Variants in FMNL2 observed in about 807,000 individuals in gnomAD.
FMNL2 encodes formin like 2, also known as formin-like protein 2.
Under a neutral mutation model 130.2 loss-of-function variants are expected in FMNL2, and 51 were observed. The ratio of observed to expected loss-of-function variants is 0.39; its 90% CI spans 0.31 to 0.49. The LOEUF is 0.49. Ranked by LOEUF, FMNL2 falls within the 20% of genes least tolerant of loss-of-function variation. The pLI is 0.85. For synonymous variants in FMNL2, 465 were observed against 467.1 expected (o/e 1.00, Z 0.06); for missense variants, 977 against 1,316.2 (o/e 0.74, Z 3.99).
At chr2:152,643,502 C>G in intron 25 of FMNL2, 2 of 1,536,080 alleles carry the variant, frequency 1.3e-6, no homozygotes, top group Non-Finnish European at 1.7e-6. Flanking sequence ...TGAGGAATAC[C>G]ATTACTAAAC....
At chr2:152,406,225 G>A (rs1176844515) in intron 1 of FMNL2, among the ~76,000 whole-genome samples, 2 of 152,122 alleles carry the variant, frequency 1.3e-5, no homozygotes, top group African/African-American at 4.8e-5. Context: ...TATAGAATAT[G>A]GGTTCCATGT....
chr2:152,619,173 C>G lies in FMNL2; in HGVS notation c.1627+15C>G, dbSNP rs754603688. ...ACCTGAAACAGGTAAGAAGCCTTGG[C>G]AGGAGGACTGAGGAAGTTTTGGAAT... On this transcript the variant is annotated intron_variant, in intron 14 of 25. Transcript: ENST00000288670. 7 of 1,535,492 alleles carry G rather than the reference C, an allele frequency of 4.6e-6. No homozygotes were observed. The East Asian group carries it at 1.6e-4, about 35-fold the overall frequency.
chr2:152,626,723 C>T lies in FMNL2; in HGVS notation c.2161C>T (p.His721Tyr), dbSNP rs1465398996. 1 of 1,606,486 alleles carries T rather than the reference C, an allele frequency of 6.2e-7. No homozygotes were observed. The change falls in exon 17 of 26, where the codon CAT becomes TAT. Residue 721 changes from histidine (H) to tyrosine (Y), a missense_variant. By Grantham distance (83) the His-to-Tyr change is moderately conservative. This residue lies in a region of FMNL2 where 689 missense variants were observed against 995.9 expected (regional missense o/e 0.69). Coordinates refer to ENST00000288670, the MANE Select transcript of FMNL2 (RefSeq NM_052905.4). Reference sequence around the variant, plus strand: ...TGCTGATGAAATATGTAAAGCTATTCATGTGTAAGTTCAGGAAAATTATAT... The same window carrying T: ...TGCTGATGAAATATGTAAAGCTATTTATGTGTAAGTTCAGGAAAATTATAT... ...KTADEICKAI[H>Y]VFDLKTLPVD... is the part of the protein sequence containing the mutation.
At chr2:152,352,200 A>C in intron 1 of FMNL2, among the ~76,000 whole-genome samples, 1 of 152,152 alleles carries the variant, frequency 6.6e-6, no homozygotes, top group East Asian at 1.9e-4. Context: ...ATTTTAAGGT[A>C]GCCCTAATGT....
chr2:152,382,576 T>G (rs1481841391), intron 1 of FMNL2, among the ~76,000 whole-genome samples: 1 of 152,158 alleles, frequency 6.6e-6, no homozygotes, highest in African/African-American at 2.4e-5. Flanking sequence ...TTTAACTGCA[T>G]TCTTAGGGCT....
At chr2:152,581,546 ACTGT>A (rs1435148671) in intron 9 of FMNL2, among the ~76,000 whole-genome samples, 1 of 152,202 alleles carries the variant, frequency 6.6e-6, no homozygotes, top group Non-Finnish European at 1.5e-5. Flanking sequence ...GGAAACGGAG[ACTGT>A]CTGACCACAA....
intron 10 of FMNL2, 131 bp downstream of exon 10, chr2:152,607,544 A>G: frequency 2.9e-6 from 2 of 681,942 alleles, no homozygotes; most frequent in East Asian, 2.8e-5. Flanking sequence ...TGCAATTAAT[A>G]TGCTATAGAT....
rs567858026 is a variant in FMNL2 at position 152,462,949 on chromosome 2, G to GA, written c.118-58988dup. On this transcript the variant is annotated intron_variant, in intron 1 of 25. Coordinates refer to ENST00000288670, the MANE Select transcript of FMNL2 (RefSeq NM_052905.4). Reference sequence around the variant, plus strand: ...GAATGTTTCTTTTGATATTTAGGGGGAAAAAATCTCATTAACAATTGGATG... The same window carrying GA: ...GAATGTTTCTTTTGATATTTAGGGGGAAAAAAATCTCATTAACAATTGGATG... 5.3e-5 allele frequency among the ~76,000 whole-genome samples: 8 copies of GA among 152,198 alleles called. No homozygotes were observed. The East Asian group carries it at 1.4e-3, about 26-fold the overall frequency.
intron 1 of FMNL2, among the ~76,000 whole-genome samples, chr2:152,425,554 C>T (rs2106063530): frequency 6.6e-6 from 1 of 152,154 alleles, no homozygotes; most frequent in East Asian, 1.9e-4. Flanking sequence ...ATTGGTAGTC[C>T]TTCTAATACT....
At chr2:152,541,371 T>G (rs760119800) in intron 2 of FMNL2, among the ~76,000 whole-genome samples, 5 of 152,210 alleles carry the variant, frequency 3.3e-5, no homozygotes, top group Non-Finnish European at 7.3e-5. Context: ...TTACCCAGGC[T>G]TGTCCTCATT....
chr2:152,620,396 G>A (rs1342656233), intron 15 of FMNL2, among the ~76,000 whole-genome samples: 1 of 152,122 alleles, frequency 6.6e-6, no homozygotes, highest in African/African-American at 2.4e-5. Flanking sequence ...TAGAGCAGGA[G>A]GAAGAGTCAC....
At chr2:152,516,839 G>C (rs549041165) in intron 1 of FMNL2, among the ~76,000 whole-genome samples, 1 of 152,070 alleles carries the variant, frequency 6.6e-6, no homozygotes, top group Non-Finnish European at 1.5e-5. Context: ...AGATGTATAG[G>C]CTACCATAGA....
chr2:152,600,587 G>A (rs913572456), intron 9 of FMNL2, among the ~76,000 whole-genome samples: 1 of 152,096 alleles, frequency 6.6e-6, no homozygotes, highest in Admixed American at 6.5e-5. Flanking sequence ...TTAGCCTTTA[G>A]GGAAAGCATC....
chr2:152,618,560 C>T (rs749310330), intron 13 of FMNL2, among the ~76,000 whole-genome samples: 1 of 152,164 alleles, frequency 6.6e-6, no homozygotes, highest in Non-Finnish European at 1.5e-5. Context: ...AGTCAGCATT[C>T]CGGGTCATTT....
intron 1 of FMNL2, among the ~76,000 whole-genome samples, chr2:152,391,554 G>T (rs549203053): frequency 6.6e-6 from 1 of 152,148 alleles, no homozygotes; most frequent in East Asian, 1.9e-4. Flanking sequence ...GAATAGAGCT[G>T]TGTGCCAGGG....
chr2:152,366,043 AG>A (rs1346489189), intron 1 of FMNL2, among the ~76,000 whole-genome samples: 1 of 152,112 alleles, frequency 6.6e-6, no homozygotes, highest in Non-Finnish European at 1.5e-5. Context: ...CATGGATCCC[AG>A]GTTTAGAGCC....
rs143816971 is a variant in FMNL2 at position 152,460,463 on chromosome 2, A to G, written c.118-61480A>G. ...AATTCACTACAGTGTAATTTTAACA[A>G]ACTTGAGAGTGGTCAAAGTATTTTG... On this transcript the variant is annotated intron_variant, in intron 1 of 25. Transcript: ENST00000288670. Among the ~76,000 whole-genome samples, 761 of 152,334 alleles carry G rather than the reference A, an allele frequency of 5.0e-3. 2 individuals are homozygous for G. The highest frequency in any genetic ancestry group is 0.017 in the Middle Eastern group (5 of 294).
intron 9 of FMNL2, among the ~76,000 whole-genome samples, chr2:152,596,295 G>A (rs1227302024): frequency 6.6e-6 from 1 of 152,032 alleles, no homozygotes; most frequent in East Asian, 1.9e-4. Flanking sequence ...AATGGTGGAG[G>A]GCTCCTTTCT....
chr2:152,375,877 C>CTCTCTCTCTCTATATATATATATA (rs796954245), intron 1 of FMNL2, among the ~76,000 whole-genome samples: 42 of 112,470 alleles, frequency 3.7e-4, no homozygotes, highest in South Asian at 2.2e-3. Flanking sequence ...CTCTCTCTCT[C>CTCTCTCTCTCTATATATATATATA]TATATATATA....
Sources: allele counts gnomAD v4.1 joint callset (sites outside exome capture counted in the v4.1 genomes callset), GRCh38; gene constraint gnomAD v4.1.1; regional missense constraint gnomAD v4.1.1; transcripts MANE v1.5; gene names NCBI Gene and HGNC (gene_info 2026-07-23, HGNC 2026-07-21).